The following WDR72 variants were observed in gnomAD, a reference collection of about 807,000 sequenced individuals.
WDR72 encodes the protein WD repeat-containing protein 72.
WDR72 carries 120 observed loss-of-function variants against 124.2 expected under a neutral mutation model. The observed-to-expected ratio is 0.97, with a 90% CI of 0.83 to 1.12. WDR72 has a LOEUF of 1.12. Ranked by LOEUF, WDR72 falls within the 50% of genes most tolerant of loss-of-function variation. WDR72 has a pLI of 0.00. For synonymous variants in WDR72, 452 were observed against 441.7 expected (o/e 1.02, Z -0.29); for missense variants, 1,387 against 1,278.8 (o/e 1.08, Z -1.29).
intron 14 of WDR72, among the ~76,000 whole-genome samples, chr15:53,649,729 A>C (rs2015165421): frequency 6.6e-6 from 1 of 152,194 alleles, no homozygotes; most frequent in Non-Finnish European, 1.5e-5. Context: ...AACCACAATG[A>C]GATACCACCC....
chr15:53,642,280 ATAG>A (rs1028466343), intron 14 of WDR72, among the ~76,000 whole-genome samples: 2 of 152,038 alleles, frequency 1.3e-5, no homozygotes, highest in African/African-American at 4.8e-5. Context: ...TAAAACTAAA[ATAG>A]TATGTATCAG....
chr15:53,735,889 T>C (rs1455402524), intron 1 of WDR72, among the ~76,000 whole-genome samples: 2 of 151,480 alleles, frequency 1.3e-5, no homozygotes, highest in Non-Finnish European at 2.9e-5. Context: ...CTACAAAAGG[T>C]AGACTTTTAA....
At chr15:53,698,357 C>T (rs1321196020) in intron 13 of WDR72, among the ~76,000 whole-genome samples, 2 of 152,076 alleles carry the variant, frequency 1.3e-5, no homozygotes, top group African/African-American at 2.4e-5. Context: ...TGCAATTGGG[C>T]ACATTAATAA....
chr15:53,516,101 A>C lies in WDR72; in HGVS notation c.*1598T>G, dbSNP rs959639904. On this transcript the variant is annotated 3_prime_UTR_variant, in exon 20 of 20. Transcript: ENST00000360509. ...AGTGGCTTTTGACTGTTTCTAAAGGAGGGGGAATATATTTATCAATCAGTT... is the reference window on the plus strand; with the variant it reads ...AGTGGCTTTTGACTGTTTCTAAAGGCGGGGGAATATATTTATCAATCAGTT... The C allele has an allele frequency of 2.6e-5, 4 of 152,038 alleles. No individual in the cohort carries two copies. Among genetic ancestry groups the C allele is most frequent in the African/African-American group, 9.7e-5 (4 of 41,418 alleles). 9.4% of individuals were successfully genotyped at this position (152,038 alleles called of 1,614,324 possible). A position where few individuals can be genotyped will look rare whatever the true frequency, so the allele number is the denominator to read the frequency against.
chr15:53,557,911 T>C (rs1448214225), intron 18 of WDR72, among the ~76,000 whole-genome samples: 2 of 152,016 alleles, frequency 1.3e-5, no homozygotes, highest in Admixed American at 1.3e-4. Flanking sequence ...GAGATTCAAA[T>C]GTTAGTTTCC....
chr15:53,523,572 T>C (rs192290290), intron 18 of WDR72, among the ~76,000 whole-genome samples: 1 of 152,186 alleles, frequency 6.6e-6, no homozygotes, highest in African/African-American at 2.4e-5. Context: ...GCTTAAAAGC[T>C]ACAAAGTAAC....
intron 13 of WDR72, 137 bp from the exon 14 acceptor site, chr15:53,665,905 C>G (rs945387682): frequency 4.9e-6 from 4 of 819,694 alleles, no homozygotes; most frequent in Non-Finnish European, 7.9e-6. Flanking sequence ...TGAAAAATAG[C>G]CTGGGAGCTT....
chr15:53,616,701 A>C (rs2013782210), intron 14 of WDR72, among the ~76,000 whole-genome samples: 1 of 151,996 alleles, frequency 6.6e-6, no homozygotes, highest in Admixed American at 6.6e-5. Flanking sequence ...ATGTTAACCA[A>C]TGTCATATTG....
intron 18 of WDR72, among the ~76,000 whole-genome samples, chr15:53,561,914 T>C (rs1894136866): frequency 6.6e-6 from 1 of 151,826 alleles, no homozygotes; most frequent in Non-Finnish European, 1.5e-5. Context: ...TGTAACCTGT[T>C]TTGTTTATCT....
intron 13 of WDR72, among the ~76,000 whole-genome samples, chr15:53,691,330 C>T (rs2016833037): frequency 6.6e-6 from 1 of 152,178 alleles, no homozygotes; most frequent in Non-Finnish European, 1.5e-5. Flanking sequence ...AAATTACAGG[C>T]ATGAGCCACC....
chr15:53,712,632 T>C (rs1453634117), intron 7 of WDR72, 140 bp downstream of exon 7: 1 of 902,276 alleles, frequency 1.1e-6, no homozygotes, highest in Non-Finnish European at 1.7e-6. Flanking sequence ...ACGTCAGTCA[T>C]AAAAGACACA....
rs757328536 is a variant in WDR72 at position 53,517,680 on chromosome 15, C to G, written c.*19G>C. ...TTTCTTAATTTGTCCAAATTCAGCT[C>G]CTACTGATGAGATTCCATTTAAGAC... On this transcript the variant is annotated 3_prime_UTR_variant, in exon 20 of 20. Coordinates refer to ENST00000360509, the MANE Select transcript of WDR72 (RefSeq NM_182758.4). The G allele has an allele frequency of 6.2e-7, 1 of 1,612,252 alleles. No individual in the cohort carries two copies. The highest frequency in any genetic ancestry group is 8.5e-7 in the Non-Finnish European group (1 of 1,178,670).
At chr15:53,632,672 A>T (rs1316050832) in intron 14 of WDR72, among the ~76,000 whole-genome samples, 1 of 152,234 alleles carries the variant, frequency 6.6e-6, no homozygotes, top group Non-Finnish European at 1.5e-5. Context: ...GGGAAGCCAC[A>T]GGGGTGAAGC....
intron 18 of WDR72, among the ~76,000 whole-genome samples, chr15:53,595,785 A>T (rs532895419): frequency 6.6e-6 from 1 of 152,186 alleles, no homozygotes; most frequent in Admixed American, 6.6e-5. Flanking sequence ...AACTATAATT[A>T]CGTGATATGA....
chr15:53,637,482 T>C (rs1431352297), intron 14 of WDR72, among the ~76,000 whole-genome samples: 1 of 152,202 alleles, frequency 6.6e-6, no homozygotes, highest in Admixed American at 6.5e-5. Context: ...TACTTTTAGA[T>C]TCTCAATAGC....
At chr15:53,704,754 G>T (rs1254670472) in intron 11 of WDR72, among the ~76,000 whole-genome samples, 11 of 133,218 alleles carry the variant, frequency 8.3e-5, no homozygotes, top group Non-Finnish European at 1.7e-4. Flanking sequence ...GGATGGTCTC[G>T]ATCTCCTGAC....
At chr15:53,674,465 G>A (rs1023778701) in intron 13 of WDR72, among the ~76,000 whole-genome samples, 24 of 152,234 alleles carry the variant, frequency 1.6e-4, no homozygotes, top group African/African-American at 5.3e-4. Flanking sequence ...CACAGTTACT[G>A]CATCTTACTC....
intron 11 of WDR72, among the ~76,000 whole-genome samples, chr15:53,704,531 G>GT (rs948383016): frequency 2.0e-5 from 3 of 150,150 alleles, no homozygotes; most frequent in East Asian, 2.0e-4. Context: ...TTTGGTTTTG[G>GT]TTTTTTTTGA....
chr15:53,547,251 G>A (rs1893516151), intron 18 of WDR72, among the ~76,000 whole-genome samples: 1 of 152,212 alleles, frequency 6.6e-6, no homozygotes, highest in Non-Finnish European at 1.5e-5. Context: ...TCCTGCCTCA[G>A]CCTCCCGAGT....
Sources: gnomAD v4.1 joint callset for allele counts (sites outside exome capture counted in the v4.1 genomes callset) on GRCh38, gnomAD v4.1.1 for gene constraint, MANE v1.5 for transcripts, NCBI Gene and HGNC (gene_info 2026-07-23, HGNC 2026-07-21) for gene names.